TTC39C: variants seen among roughly 807,000 people sequenced by gnomAD.
The protein encoded by TTC39C is tetratricopeptide repeat domain 39C.
TTC39C carries 33 observed loss-of-function variants against 76.3 expected under a neutral mutation model. That is an observed-to-expected ratio of 0.43 (90% confidence interval 0.33 to 0.58). The LOEUF is 0.58. TTC39C is among the 20% of genes least tolerant of loss of function. The pLI is 0.04. For missense variants in TTC39C, 595 were observed against 701.4 expected, an observed-to-expected ratio of 0.85 and a Z score of 1.71; for synonymous variants, 254 against 260.6, an observed-to-expected ratio of 0.97 and a Z score of 0.24.
At chr18:24,051,982 A>G (rs1165942389) in intron 1 of TTC39C, among the ~76,000 whole-genome samples, 1 of 152,222 alleles carries the variant, frequency 6.6e-6, no homozygotes. Flanking sequence ...GGGGACTTCC[A>G]TTTATTCAAA....
chr18:24,042,277 G>A (rs1042095124), intron 1 of TTC39C, among the ~76,000 whole-genome samples: 1 of 152,150 alleles, frequency 6.6e-6, no homozygotes, highest in Non-Finnish European at 1.5e-5. Flanking sequence ...CCAGGGACTG[G>A]TTTCATGGGT....
At chr18:24,005,746 A>G (rs556677240) in intron 1 of TTC39C, among the ~76,000 whole-genome samples, 1 of 151,922 alleles carries the variant, frequency 6.6e-6, no homozygotes, top group African/African-American at 2.4e-5. Flanking sequence ...TCAGGAGGCT[A>G]AGGTTGGAGG....
At chr18:24,005,938 T>C (rs1227815708) in intron 1 of TTC39C, among the ~76,000 whole-genome samples, 4 of 152,118 alleles carry the variant, frequency 2.6e-5, no homozygotes, top group Non-Finnish European at 5.9e-5. Flanking sequence ...ACTATCTAAT[T>C]TAGAACATTT....
intron 10 of TTC39C, among the ~76,000 whole-genome samples, chr18:24,128,329 G>T (rs2085076305): frequency 6.6e-6 from 1 of 151,754 alleles, no homozygotes; most frequent in South Asian, 2.1e-4. Flanking sequence ...TACAAGATCA[G>T]CTTCTATTCT....
At chr18:24,079,223 C>T (rs1271263319) in intron 4 of TTC39C, among the ~76,000 whole-genome samples, 2 of 152,142 alleles carry the variant, frequency 1.3e-5, no homozygotes, top group Non-Finnish European at 2.9e-5. Context: ...AAATTCCCTA[C>T]AGAAAATCCT....
intron 1 of TTC39C, among the ~76,000 whole-genome samples, chr18:24,021,888 CAG>C (rs1226367493): frequency 6.6e-6 from 1 of 152,186 alleles, no homozygotes; most frequent in African/African-American, 2.4e-5. Context: ...TCTGTGTTCA[CAG>C]AGTTTCTGCC....
At chr18:23,993,733 A>G (rs1482615062) in intron 1 of TTC39C, among the ~76,000 whole-genome samples, 6 of 152,214 alleles carry the variant, frequency 3.9e-5, no homozygotes, top group Non-Finnish European at 8.8e-5. Context: ...ATTCTAGATA[A>G]TTATTTAATT....
At chr18:23,995,848 T>A (rs2083257076) in intron 1 of TTC39C, among the ~76,000 whole-genome samples, 1 of 152,222 alleles carries the variant, frequency 6.6e-6, no homozygotes, top group Admixed American at 6.5e-5. Context: ...CAAGTCTGGG[T>A]GACAGAGCAA....
At chr18:23,998,810 G>GTTCTAAATAGAGACA (rs2083289829) in intron 1 of TTC39C, among the ~76,000 whole-genome samples, 3 of 151,824 alleles carry the variant, frequency 2.0e-5, no homozygotes, top group African/African-American at 7.3e-5. Flanking sequence ...GCATGAAGCT[G>GTTCTAAATAGAGACA]GTGGAGCTCT....
intron 9 of TTC39C, among the ~76,000 whole-genome samples, chr18:24,124,699 G>A (rs1398028342): frequency 6.6e-6 from 1 of 152,162 alleles, no homozygotes; most frequent in African/African-American, 2.4e-5. Context: ...ATAATGTACA[G>A]CAGAGAGCAC....
At position 24,088,869 on chromosome 18, in the gene TTC39C, C is replaced by T. The variant is rs533010259; in HGVS notation, c.984+5788C>T. ...GAAAGACTTTCTTTACACTTCTATC[C>T]CCGGCGTGCCTGTGTTCTGTCTCTG... is the stretch of plus-strand genomic sequence containing the variant. On this transcript the variant is annotated intron_variant, in intron 6 of 13. Transcript: ENST00000317571. 2.0e-4 allele frequency among the ~76,000 whole-genome samples: 31 copies of T among 152,336 alleles called. No individual in the cohort carries two copies. The South Asian group carries it at 6.2e-3, about 31-fold the overall frequency.
At chr18:24,059,628 C>T (rs778267620) in intron 1 of TTC39C, among the ~76,000 whole-genome samples, 2 of 152,098 alleles carry the variant, frequency 1.3e-5, no homozygotes, top group Non-Finnish European at 1.5e-5. Flanking sequence ...ATGGGCATTT[C>T]GGTTGATTCC....
intron 6 of TTC39C, among the ~76,000 whole-genome samples, chr18:24,085,005 C>A (rs1045062528): frequency 1.3e-5 from 2 of 152,116 alleles, no homozygotes; most frequent in Non-Finnish European, 2.9e-5. Context: ...TCTTCAAGGG[C>A]AGATTTAGAT....
rs1055512442 is a variant in TTC39C at position 24,099,595 on chromosome 18, T to G, written c.985-14959T>G. On this transcript the variant is annotated intron_variant, in intron 6 of 13. Coordinates refer to ENST00000317571, the MANE Select transcript of TTC39C (RefSeq NM_001135993.2). Reference sequence around the variant, plus strand: ...ATATAAATATTTCTGGGACTTGTGTTTACTAGGCTTTAGGAATAGACCTGA... The same window carrying G: ...ATATAAATATTTCTGGGACTTGTGTGTACTAGGCTTTAGGAATAGACCTGA... Among the ~76,000 whole-genome samples, 20 of 152,050 alleles carry G rather than the reference T, an allele frequency of 1.3e-4. 1 individual carries two copies. Among genetic ancestry groups the G allele is most frequent in the Admixed American group, 6.5e-5 (1 of 15,274 alleles).
At chr18:24,093,478 C>CAA (rs34863957) in intron 6 of TTC39C, among the ~76,000 whole-genome samples, 3,753 of 113,148 alleles carry the variant, frequency 0.033, 183 homozygotes, top group African/African-American at 0.11. Flanking sequence ...GACTCTGTCT[C>CAA]AAAAAAAAAA....
chr18:24,065,734 T>C (rs1644936978), intron 2 of TTC39C, among the ~76,000 whole-genome samples: 1 of 152,222 alleles, frequency 6.6e-6, no homozygotes, highest in Non-Finnish European at 1.5e-5. Context: ...GAATTTTTGT[T>C]ACTGTGTTTA....
At chr18:24,099,557 T>C (rs937106137) in intron 6 of TTC39C, among the ~76,000 whole-genome samples, 1 of 152,034 alleles carries the variant, frequency 6.6e-6, no homozygotes, top group Non-Finnish European at 1.5e-5. Flanking sequence ...TATATGTATG[T>C]ATTTAAATGT....
chr18:24,067,286 T>G (rs557096270), intron 3 of TTC39C, among the ~76,000 whole-genome samples: 7 of 152,218 alleles, frequency 4.6e-5, no homozygotes, highest in Non-Finnish European at 1.0e-4. Flanking sequence ...TTAATACCTC[T>G]TGAATTCATC....
At position 24,015,013 on chromosome 18, in the gene TTC39C, T is replaced by C; in HGVS notation, c.142T>C (p.Ser48Pro). Reference protein sequence around the residue: ...NMLLNNGFRESDQLFKQYRNH... With the variant: ...NMLLNNGFREPDQLFKQYRNH... ...GCTGCTCAACAACGGCTTCAGGGAGTCGGACCAGCTTTTCAAACAATACAG... is the reference window on the plus strand; with the variant it reads ...GCTGCTCAACAACGGCTTCAGGGAGCCGGACCAGCTTTTCAAACAATACAG... The change falls in exon 1 of 14, where the codon TCG becomes CCG. Residue 48 changes from serine (S) to proline (P), a missense_variant. Physicochemically the swap from Ser to Pro is moderately conservative, Grantham distance 74 (BLOSUM62 -1). Coordinates refer to ENST00000317571, the MANE Select transcript of TTC39C (RefSeq NM_001135993.2). 1 of 1,504,858 alleles carries C rather than the reference T, an allele frequency of 6.6e-7. No homozygotes were observed. Among genetic ancestry groups the C allele is most frequent in the Non-Finnish European group, 8.9e-7 (1 of 1,125,908 alleles). The allele number at this position is 1,504,858 out of a possible 1,614,324, so 93.2% of individuals were successfully genotyped here.
Sources: allele counts gnomAD v4.1 joint callset (sites outside exome capture counted in the v4.1 genomes callset), GRCh38; gene constraint gnomAD v4.1.1; transcripts MANE v1.5; gene names NCBI Gene and HGNC (gene_info 2026-07-23, HGNC 2026-07-21).